PARVA: variants seen among roughly 807,000 people sequenced by gnomAD.
PARVA encodes parvin alpha.
PARVA carries 25 observed loss-of-function variants against 52.6 expected under a neutral mutation model. That is an observed-to-expected ratio of 0.48 (90% confidence interval 0.35 to 0.66). The LOEUF is 0.66. Among genes scored for constraint, PARVA ranks in the 30% least tolerant of loss-of-function variants. PARVA has a pLI of 0.01. For synonymous variants in PARVA, 185 were observed against 179.1 expected, an observed-to-expected ratio of 1.03 and a Z score of -0.26; for missense variants, 373 against 450.9, an observed-to-expected ratio of 0.83 and a Z score of 1.56.
intron 4 of PARVA, 127 bp from the exon 5 acceptor site, chr11:12,496,331 T>A: frequency 2.5e-6 from 1 of 408,098 alleles, no homozygotes; most frequent in Non-Finnish European, 3.8e-6. Flanking sequence ...AGGCATCCAG[T>A]ATCTATTGTT....
intron 1 of PARVA, among the ~76,000 whole-genome samples, chr11:12,411,667 C>T (rs1939994394): frequency 6.6e-6 from 1 of 152,154 alleles, no homozygotes; most frequent in Admixed American, 6.5e-5. Context: ...ATATTCTTCT[C>T]ATGGTTAGAC....
At chr11:12,382,150 GTACAGTATGTAC>G (rs1179661186) in intron 1 of PARVA, among the ~76,000 whole-genome samples, 1 of 152,174 alleles carries the variant, frequency 6.6e-6, no homozygotes, top group African/African-American at 2.4e-5. Flanking sequence ...TATTACAGTG[GTACAGTATGTAC>G]TACAGTTCAT....
At chr11:12,420,823 C>T (rs1306496464) in intron 1 of PARVA, among the ~76,000 whole-genome samples, 1 of 152,078 alleles carries the variant, frequency 6.6e-6, no homozygotes, top group Non-Finnish European at 1.5e-5. Flanking sequence ...AAGCTGTTTG[C>T]CCATGTTCAC....
At chr11:12,477,720 TA>T in intron 3 of PARVA, 126 bp from the exon 4 acceptor site, 1 of 626,210 alleles carries the variant, frequency 1.6e-6, no homozygotes, top group Non-Finnish European at 2.8e-6. Flanking sequence ...CCATCTCAAA[TA>T]AAATGAAACT....
chr11:12,451,106 G>T (rs567954632), intron 1 of PARVA, among the ~76,000 whole-genome samples: 2 of 152,202 alleles, frequency 1.3e-5, no homozygotes, highest in Non-Finnish European at 2.9e-5. Context: ...GGCTTGGTCA[G>T]TGTGCTGTGT....
rs1941796273 is a variant in PARVA, at chr11:12,533,377, T to C, written c.*5452T>C. Among the ~76,000 whole-genome samples, 1 of 152,200 alleles carries C rather than the reference T, an allele frequency of 6.6e-6. No homozygotes were observed. The highest frequency in any genetic ancestry group is 6.5e-5 in the Admixed American group (1 of 15,278). On this transcript the variant is annotated 3_prime_UTR_variant, in exon 13 of 13. Coordinates refer to ENST00000334956, the MANE Select transcript of PARVA (RefSeq NM_018222.5). The stretch of plus-strand genomic sequence containing the variant: ...CTTGACAAACTATAAGCAAGCCTCC[T>C]GGATGTGGAATAATACATTTTCAAA...
At chr11:12,426,125 T>C (rs777310298) in intron 1 of PARVA, among the ~76,000 whole-genome samples, 2 of 152,150 alleles carry the variant, frequency 1.3e-5, no homozygotes, top group African/African-American at 2.4e-5. Context: ...AACCGACAAA[T>C]AAGTGTATAA....
intron 12 of PARVA, among the ~76,000 whole-genome samples, chr11:12,520,806 G>T (rs1170428354): frequency 2.6e-5 from 4 of 152,036 alleles, no homozygotes; most frequent in Non-Finnish European, 5.9e-5. Context: ...AAAAAAATTA[G>T]CCAGGTGTAG....
At chr11:12,402,032 A>G (rs57293962) in intron 1 of PARVA, among the ~76,000 whole-genome samples, 8,255 of 152,290 alleles carry the variant, frequency 0.054, 731 homozygotes, top group African/African-American at 0.19. Context: ...GTAAAGTGTT[A>G]TAACCTCGTG....
intron 12 of PARVA, among the ~76,000 whole-genome samples, chr11:12,526,880 A>T (rs1385349912): frequency 6.6e-6 from 1 of 151,872 alleles, no homozygotes; most frequent in Non-Finnish European, 1.5e-5. Context: ...AGGAAGGTAG[A>T]GGAGCCAGCA....
At chr11:12,496,943 C>A (rs913999113) in intron 5 of PARVA, among the ~76,000 whole-genome samples, 28 of 152,150 alleles carry the variant, frequency 1.8e-4, no homozygotes, top group African/African-American at 6.3e-4. Flanking sequence ...CTTGGAGAGG[C>A]TTGGGAAGCT....
At chr11:12,377,457 C>A, upstream of PARVA, 1 of 1,402,176 alleles carries the variant, frequency 7.1e-7, no homozygotes, top group Non-Finnish European at 9.2e-7. Flanking sequence ...CCTTCCAGGG[C>A]AGAGGGCGGC....
Position 12,535,227 on chromosome 11 carries a change from A to C in PARVA, c.*7302A>C, listed in dbSNP as rs1185238716. ...AAGACTGTCATTGCCTGTGAGGGAG[A>C]CCAAGCTCACCACCAAGGGCTTTTG... is the stretch of plus-strand genomic sequence containing the variant. On this transcript the variant is annotated 3_prime_UTR_variant, in exon 13 of 13. Transcript: ENST00000334956. Among the ~76,000 whole-genome samples the C allele has an allele frequency of 6.6e-6, 1 of 152,144 alleles. No individual in the cohort carries two copies. The highest frequency in any genetic ancestry group is 2.4e-5 in the African/African-American group (1 of 41,438).
At chr11:12,401,372 C>T (rs1939825099) in intron 1 of PARVA, among the ~76,000 whole-genome samples, 2 of 152,190 alleles carry the variant, frequency 1.3e-5, no homozygotes, top group South Asian at 4.1e-4. Flanking sequence ...AGGCTTAACA[C>T]ACTATTTCAA....
intron 1 of PARVA, among the ~76,000 whole-genome samples, chr11:12,422,927 C>G (rs1268064706): frequency 6.6e-6 from 1 of 152,180 alleles, no homozygotes; most frequent in Non-Finnish European, 1.5e-5. Flanking sequence ...ACAATCTCAG[C>G]TCACTGCAAC....
intron 1 of PARVA, among the ~76,000 whole-genome samples, chr11:12,385,520 G>A (rs1331140720): frequency 1.3e-5 from 2 of 152,084 alleles, no homozygotes; most frequent in Non-Finnish European, 2.9e-5. Flanking sequence ...TTTTGGTCTG[G>A]GCAACTAAAA....
At chr11:12,385,434 T>A (rs1429167194) in intron 1 of PARVA, among the ~76,000 whole-genome samples, 1 of 152,178 alleles carries the variant, frequency 6.6e-6, no homozygotes, top group Non-Finnish European at 1.5e-5. Flanking sequence ...AAATTCTGGA[T>A]ATATTTTTAA....
At chr11:12,502,321 C>T (rs1941372508) in intron 5 of PARVA, among the ~76,000 whole-genome samples, 1 of 152,182 alleles carries the variant, frequency 6.6e-6, no homozygotes, top group African/African-American at 2.4e-5. Flanking sequence ...TTTCTCAAAG[C>T]TTCTGCTAAA....
intron 1 of PARVA, among the ~76,000 whole-genome samples, chr11:12,429,779 G>A (rs1423153908): frequency 6.6e-6 from 1 of 152,132 alleles, no homozygotes; most frequent in African/African-American, 2.4e-5. Flanking sequence ...ATGACCTTGA[G>A]CAGTAGGATA....
Sources: allele counts gnomAD v4.1 joint callset (sites outside exome capture counted in the v4.1 genomes callset), GRCh38; gene constraint gnomAD v4.1.1; transcripts MANE v1.5; gene names NCBI Gene and HGNC (gene_info 2026-07-23, HGNC 2026-07-21).